Variants in NAA16 observed in about 807,000 individuals in gnomAD.
NAA16 encodes the protein N-alpha-acetyltransferase 16, NatA auxiliary subunit.
NAA16 carries 97 observed loss-of-function variants against 110.3 expected under a neutral mutation model. The ratio of observed to expected loss-of-function variants is 0.88; its 90% confidence interval spans 0.75 to 1.04. The LOEUF (loss-of-function observed/expected upper bound fraction) is 1.04, where lower values mean the gene tolerates loss of function less well. Ranked by LOEUF, NAA16 falls within the 50% of genes least tolerant of loss-of-function variation. The pLI, the probability that NAA16 is intolerant of heterozygous loss-of-function variation, is 0.00. For missense variants in NAA16, 1,017 were observed against 1,005.1 expected, an observed-to-expected ratio of 1.01 and a Z score of -0.16; for synonymous variants, 372 against 330.6, an observed-to-expected ratio of 1.13 and a Z score of -1.36.
intron 10 of NAA16, among the ~76,000 whole-genome samples, chr13:41,357,651 T>G (rs1483198300): frequency 6.6e-6 from 1 of 152,190 alleles, no homozygotes; most frequent in Non-Finnish European, 1.5e-5. Flanking sequence ...TGAAATCCAT[T>G]TTGAGAGCTT....
chr13:41,340,263 T>C (rs2139440138), intron 9 of NAA16, among the ~76,000 whole-genome samples: 1 of 152,300 alleles, frequency 6.6e-6, no homozygotes. Context: ...ATTTTGTTGA[T>C]CTTTTCAAAA....
At chr13:41,312,803 T>G (rs1370633046) in intron 1 of NAA16, among the ~76,000 whole-genome samples, 1 of 150,016 alleles carries the variant, frequency 6.7e-6, no homozygotes, top group African/African-American at 2.5e-5. Flanking sequence ...ATTTTAAATA[T>G]TATGTGGTGC....
chr13:41,373,765 C>T lies in NAA16; in HGVS notation c.2284C>T (p.Gln762Ter). ...TCTGAAACGTAACGCTACCTCTCTTCAGCATCTACTTTCAGGTTTGTTTGT... is the reference window on the plus strand; with the variant it reads ...TCTGAAACGTAACGCTACCTCTCTTTAGCATCTACTTTCAGGTTTGTTTGT... ...DFLKRNATSLQHLLSGAKMMY... is the reference protein window; with the variant it reads ...DFLKRNATSL The change falls in exon 18 of 20, where the codon CAG (glutamine) becomes TAG (stop). Residue 762 changes from glutamine to a stop codon, truncating the protein, a stop_gained. Coordinates refer to ENST00000379406, the MANE Select transcript of NAA16 (RefSeq NM_024561.5). LOFTEE classifies it high-confidence loss of function. The T allele has an allele frequency of 3.1e-6, 5 of 1,599,990 alleles. No individual in the cohort carries two copies. The highest frequency in any genetic ancestry group is 3.6e-5 in the Admixed American group (2 of 56,134).
intron 9 of NAA16, among the ~76,000 whole-genome samples, chr13:41,352,116 C>T (rs2042851564): frequency 6.6e-6 from 1 of 152,244 alleles, no homozygotes; most frequent in African/African-American, 2.4e-5. Context: ...CTAAGGTGGG[C>T]AGATCGCTTG....
At chr13:41,359,073 A>G in intron 12 of NAA16, 111 bp downstream of exon 12, 1 of 906,544 alleles carries the variant, frequency 1.1e-6, no homozygotes, top group Non-Finnish European at 1.5e-6. Context: ...ATAAAAATTC[A>G]TTTTTATTAT....
At chr13:41,313,612 A>G (rs2041715455) in intron 1 of NAA16, among the ~76,000 whole-genome samples, 1 of 152,206 alleles carries the variant, frequency 6.6e-6, no homozygotes, top group African/African-American at 2.4e-5. Context: ...ATCCACACAA[A>G]CTGACCAGCT....
At chr13:41,374,591 T>C (rs2043391483) in intron 18 of NAA16, 151 bp from the exon 19 acceptor site, 1 of 550,142 alleles carries the variant, frequency 1.8e-6, no homozygotes, top group Non-Finnish European at 3.2e-6. Context: ...GGAAGAAATG[T>C]CACACTTGGC....
chr13:41,349,751 G>A (rs1400384693), intron 9 of NAA16, among the ~76,000 whole-genome samples: 1 of 151,996 alleles, frequency 6.6e-6, no homozygotes, highest in Non-Finnish European at 1.5e-5. Context: ...GATTACCTGA[G>A]GTCAGGAGTT....
chr13:41,322,670 A>G (rs953069113), intron 4 of NAA16, among the ~76,000 whole-genome samples: 8 of 152,180 alleles, frequency 5.3e-5, no homozygotes, highest in East Asian at 1.9e-4. Flanking sequence ...AATTATTACA[A>G]TGTATTTACA....
rs918946334 is a variant in NAA16 at position 41,375,796 on chromosome 13, T to G, written c.*194T>G. On this transcript the variant is annotated 3_prime_UTR_variant, in exon 20 of 20. Coordinates refer to ENST00000379406, the MANE Select transcript of NAA16 (RefSeq NM_024561.5). ...ACCATCTGTTAAAATTACCTGTTTA[T>G]TCTTACACAGTTTTGTGGTAGCTCC... 1.4e-5 allele frequency: 7 copies of G among 483,000 alleles called. No individual in the cohort carries two copies. The highest frequency in any genetic ancestry group is 1.4e-4 in the African/African-American group (7 of 51,002). The allele number at this position is 483,000 out of a possible 1,614,324, so 29.9% of individuals were successfully genotyped here.
At chr13:41,345,905 T>C (rs1449737936) in intron 9 of NAA16, among the ~76,000 whole-genome samples, 3 of 152,350 alleles carry the variant, frequency 2.0e-5, no homozygotes, top group African/African-American at 7.2e-5. Context: ...TAGATACAAG[T>C]CTCTCATCAG....
At chr13:41,341,311 T>G (rs888694282) in intron 9 of NAA16, among the ~76,000 whole-genome samples, 2 of 152,202 alleles carry the variant, frequency 1.3e-5, no homozygotes, top group African/African-American at 4.8e-5. Context: ...CTAACTTAAT[T>G]TTTTGTGGAT....
At chr13:41,354,825 A>C (rs1218700762) in intron 9 of NAA16, among the ~76,000 whole-genome samples, 2 of 151,138 alleles carry the variant, frequency 1.3e-5, no homozygotes, top group East Asian at 3.9e-4. Flanking sequence ...ACTTTTTTGC[A>C]ATGCATGACA....
At chr13:41,369,409 A>G in intron 15 of NAA16, 126 bp downstream of exon 15, 1 of 979,394 alleles carries the variant, frequency 1.0e-6, no homozygotes, top group South Asian at 2.3e-5. Flanking sequence ...TTTTTATAAT[A>G]GCCGTCAATT....
intron 16 of NAA16, 127 bp from the exon 17 acceptor site, chr13:41,372,605 T>C (rs1007911428): frequency 2.2e-6 from 3 of 1,334,284 alleles, no homozygotes; most frequent in African/African-American, 3.0e-5. Context: ...GAGTCAACTT[T>C]AATTTTGCTT....
At position 41,336,630 on chromosome 13, in the gene NAA16, A is replaced by C. The variant is rs779092404; in HGVS notation, c.908-20A>C. ...TGTTTGCGTGAACCAAAGAATAACAAAGTACGCTTTTGTTTCTAGGTGAAA... is the reference window on the plus strand; with the variant it reads ...TGTTTGCGTGAACCAAAGAATAACACAGTACGCTTTTGTTTCTAGGTGAAA... On this transcript the variant is annotated intron_variant, in intron 8 of 19. Coordinates refer to ENST00000379406, the MANE Select transcript of NAA16 (RefSeq NM_024561.5). 2 of 1,398,054 alleles carry C rather than the reference A, an allele frequency of 1.4e-6. No homozygotes were observed. The highest frequency in any genetic ancestry group is 2.6e-5 in the South Asian group (2 of 77,888). 86.6% of individuals were successfully genotyped at this position (1,398,054 alleles called of 1,614,324 possible).
intron 6 of NAA16, 42 bp downstream of exon 6, chr13:41,325,893 C>G (rs746859513): frequency 3.4e-6 from 5 of 1,492,078 alleles, no homozygotes; most frequent in Non-Finnish European, 2.7e-6. Context: ...AAACAGAAAA[C>G]AAAAAAACTA....
rs770655052 is a variant in NAA16, at chr13:41,367,468, C to A, written c.1569C>A (p.Phe523Leu). Reference protein sequence around the residue: ...RHFFEITDDQFDFHTYCMRKM... With the variant: ...RHFFEITDDQLDFHTYCMRKM... The stretch of plus-strand genomic sequence containing the variant: ...TTTTTGAGATAACTGATGACCAATT[C>A]GACTTCCATACATACTGCATGAGAA... The change falls in exon 14 of 20, where the codon TTC becomes TTA. Residue 523 changes from phenylalanine to leucine, a missense_variant. By Grantham distance (22) the Phe-to-Leu change is conservative (BLOSUM62 0). Coordinates refer to ENST00000379406, the MANE Select transcript of NAA16 (RefSeq NM_024561.5). 3 of 1,599,468 alleles carry A rather than the reference C, an allele frequency of 1.9e-6. No homozygotes were observed. The highest frequency in any genetic ancestry group is 3.4e-5 in the Admixed American group (2 of 58,802).
chr13:41,372,117 T>C, intron 15 of NAA16, 86 bp from the exon 16 acceptor site: 4 of 1,103,308 alleles, frequency 3.6e-6, no homozygotes, highest in Non-Finnish European at 4.9e-6. Flanking sequence ...CTAAATTACT[T>C]TAGACATATG....
Sources: gnomAD v4.1 joint callset for allele counts (sites outside exome capture counted in the v4.1 genomes callset) on GRCh38, gnomAD v4.1.1 for gene constraint, MANE v1.5 for transcripts, NCBI Gene and HGNC (gene_info 2026-07-23, HGNC 2026-07-21) for gene names.